SPIRE1: variants seen among roughly 807,000 people sequenced by gnomAD.
SPIRE1 encodes spire type actin nucleation factor 1.
Under a neutral mutation model 94.1 loss-of-function variants are expected in SPIRE1, and 40 were observed. The observed-to-expected ratio is 0.43, with a 90% CI of 0.33 to 0.55. SPIRE1 has a LOEUF of 0.55. SPIRE1 is among the 20% of genes least tolerant of loss of function. SPIRE1 has a pLI of 0.06. For synonymous variants in SPIRE1, 376 were observed against 371.7 expected (o/e 1.01, Z -0.13); for missense variants, 838 against 975.2 (o/e 0.86, Z 1.87).
At position 12,546,665 on chromosome 18, in the gene SPIRE1, C is replaced by T. The variant is rs751610751; in HGVS notation, c.603+9G>A. On this transcript the variant is annotated intron_variant, in intron 3 of 16. Coordinates refer to ENST00000409402, the MANE Select transcript of SPIRE1 (RefSeq NM_001128626.2). ...AAAAAAACAAGTACTGCATAAAACGCTGCCTTACCTTCATGACATCTCTAT... is the reference window on the plus strand; with the variant it reads ...AAAAAAACAAGTACTGCATAAAACGTTGCCTTACCTTCATGACATCTCTAT... The T allele has an allele frequency of 4.4e-6, 7 of 1,597,814 alleles. No individual in the cohort carries two copies. In the South Asian group the frequency reaches 7.7e-5, roughly 18 times the overall value.
At chr18:12,604,329 C>T (rs948532973) in intron 2 of SPIRE1, among the ~76,000 whole-genome samples, 3 of 152,086 alleles carry the variant, frequency 2.0e-5, no homozygotes, top group East Asian at 1.9e-4. Context: ...TTAGAGGACA[C>T]GCAGCTGGTG....
At chr18:12,634,576 C>G (rs1279790334) in intron 2 of SPIRE1, among the ~76,000 whole-genome samples, 1 of 152,098 alleles carries the variant, frequency 6.6e-6, no homozygotes, top group Middle Eastern at 3.4e-3. Context: ...AAAATATGGA[C>G]AAGGCAAGTA....
chr18:12,512,182 T>C (rs893019405), intron 5 of SPIRE1, among the ~76,000 whole-genome samples: 1 of 152,174 alleles, frequency 6.6e-6, no homozygotes, highest in Admixed American at 6.5e-5. Context: ...CTGGCCAACA[T>C]GGTGAAACCC....
chr18:12,466,714 T>C (rs1008598430), intron 10 of SPIRE1, among the ~76,000 whole-genome samples: 1 of 152,338 alleles, frequency 6.6e-6, no homozygotes, highest in East Asian at 1.9e-4. Context: ...ATTTTTGTTT[T>C]ATTTTTACTT....
At chr18:12,510,581 C>T (rs1009712128) in intron 5 of SPIRE1, among the ~76,000 whole-genome samples, 11 of 151,386 alleles carry the variant, frequency 7.3e-5, no homozygotes, top group African/African-American at 1.5e-4. Flanking sequence ...CTCCCTCTGT[C>T]GCCCAGGCTG....
Position 12,657,761 on chromosome 18 carries a change from A to T in SPIRE1, c.106T>A (p.Ser36Thr), listed in dbSNP as rs1416253787. ...TCCTCCAGGCTCAGCGCGTCCCGGGAGCCCCCGGCCGCGCCGCCGGCTGCC... is the reference window on the plus strand; with the variant it reads ...TCCTCCAGGCTCAGCGCGTCCCGGGTGCCCCCGGCCGCGCCGCCGGCTGCC... Reference protein sequence around the residue: ...PGAAGGAAGGSRDALSLEEIL... With the variant: ...PGAAGGAAGGTRDALSLEEIL... Residue 36 changes from serine to threonine, a missense_variant, in exon 1 of 17, where the codon TCC becomes ACC. Ser to Thr is a moderately conservative substitution (Grantham distance 58, BLOSUM62 1). Around this residue, in one of 2 missense-constraint regions of SPIRE1, gnomAD observed 193 missense variants for 170.5 expected, o/e 1.13. Transcript: ENST00000409402. The T allele has an allele frequency of 1.5e-6, 2 of 1,344,720 alleles. No homozygotes were observed. The highest frequency in any genetic ancestry group is 1.9e-6 in the Non-Finnish European group (2 of 1,040,274). 83.3% of individuals were successfully genotyped at this position (1,344,720 alleles called of 1,614,324 possible). A position where few individuals can be genotyped will look rare whatever the true frequency, so the allele number is the denominator to read the frequency against.
At chr18:12,479,619 G>A (rs2032764708) in intron 10 of SPIRE1, 80 bp downstream of exon 10, 6 of 1,311,196 alleles carry the variant, frequency 4.6e-6, no homozygotes, top group Non-Finnish European at 6.2e-6. Flanking sequence ...AACAACTGAA[G>A]CAAGATAATC....
intron 2 of SPIRE1, among the ~76,000 whole-genome samples, chr18:12,629,156 A>T (rs1440364852): frequency 1.3e-5 from 2 of 152,208 alleles, no homozygotes; most frequent in African/African-American, 4.8e-5. Context: ...TTATTCATTT[A>T]ACCTTCTTTC....
chr18:12,645,859 C>A (rs993885878), intron 1 of SPIRE1, among the ~76,000 whole-genome samples: 1 of 152,126 alleles, frequency 6.6e-6, no homozygotes. Context: ...TCCCAGCCAA[C>A]GTGCCTTTCC....
chr18:12,569,753 T>C (rs1373287747), intron 2 of SPIRE1, among the ~76,000 whole-genome samples: 2 of 152,080 alleles, frequency 1.3e-5, no homozygotes, highest in African/African-American at 4.8e-5. Flanking sequence ...ACCAGCCCCC[T>C]TGCCCCCTTG....
intron 8 of SPIRE1, among the ~76,000 whole-genome samples, chr18:12,489,903 C>T (rs1308750903): frequency 2.0e-5 from 3 of 152,108 alleles, no homozygotes; most frequent in Admixed American, 1.3e-4. Flanking sequence ...GGCATTTTTG[C>T]CATTGCTGCA....
chr18:12,507,528 G>T (rs1387974367), intron 5 of SPIRE1, among the ~76,000 whole-genome samples: 1 of 151,880 alleles, frequency 6.6e-6, no homozygotes, highest in East Asian at 1.9e-4. Flanking sequence ...GTGAAACCCT[G>T]TCTCTACTAA....
intron 7 of SPIRE1, among the ~76,000 whole-genome samples, chr18:12,494,561 G>A: frequency 6.6e-6 from 1 of 152,002 alleles, no homozygotes; most frequent in East Asian, 1.9e-4. Context: ...CGGGCACGGT[G>A]GCTCACGCCT....
At chr18:12,505,281 A>C (rs771930901) in intron 6 of SPIRE1, among the ~76,000 whole-genome samples, 14 of 152,224 alleles carry the variant, frequency 9.2e-5, no homozygotes, top group Non-Finnish European at 1.8e-4. Context: ...GCCGTGGCTC[A>C]TGCCTATAAT....
chr18:12,617,923 GC>G (rs2037357544), intron 2 of SPIRE1, among the ~76,000 whole-genome samples: 1 of 152,032 alleles, frequency 6.6e-6, no homozygotes, highest in Non-Finnish European at 1.5e-5. Flanking sequence ...GAACCGTGTT[GC>G]CTATGCTTAG....
intron 1 of SPIRE1, among the ~76,000 whole-genome samples, chr18:12,640,738 C>T (rs1406156290): frequency 6.6e-6 from 1 of 152,104 alleles, no homozygotes; most frequent in East Asian, 1.9e-4. Context: ...GTTCCGGAAG[C>T]AGGAGGTGGC....
At chr18:12,517,755 C>T (rs1361770988) in intron 4 of SPIRE1, among the ~76,000 whole-genome samples, 1 of 152,174 alleles carries the variant, frequency 6.6e-6, no homozygotes, top group Non-Finnish European at 1.5e-5. Context: ...ATGTCAAATG[C>T]TCAGAGAATA....
intron 2 of SPIRE1, among the ~76,000 whole-genome samples, chr18:12,617,745 G>A (rs544964777): frequency 2.6e-5 from 4 of 151,900 alleles, no homozygotes; most frequent in Admixed American, 6.6e-5. Flanking sequence ...TAGTAGAGAC[G>A]AGGTTTCACC....
intron 4 of SPIRE1, among the ~76,000 whole-genome samples, chr18:12,530,919 C>T (rs542187585): frequency 6.6e-6 from 1 of 152,118 alleles, no homozygotes; most frequent in Non-Finnish European, 1.5e-5. Flanking sequence ...ATACTGCACA[C>T]TCTCAACGTG....
Sources: allele counts gnomAD v4.1 joint callset (sites outside exome capture counted in the v4.1 genomes callset), GRCh38; gene constraint gnomAD v4.1.1; regional missense constraint gnomAD v4.1.1; transcripts MANE v1.5; gene names NCBI Gene and HGNC (gene_info 2026-07-23, HGNC 2026-07-21).